Variants in HSPA4 observed in about 807,000 individuals in gnomAD.
The protein encoded by HSPA4 is heat shock protein family A (Hsp70) member 4, also known as heat shock 70 kDa protein 4.
In HSPA4, 25 loss-of-function variants were observed where a neutral mutation model predicts 106.2. The ratio of observed to expected loss-of-function variants is 0.24; its 90% CI spans 0.17 to 0.33. The LOEUF (loss-of-function observed/expected upper bound fraction) is 0.33, where lower values mean the gene tolerates loss of function less well. Ranked by LOEUF, HSPA4 falls within the 10% of genes least tolerant of loss-of-function variation. The pLI is 1.00. For synonymous variants in HSPA4, 332 were observed against 333.6 expected, an observed-to-expected ratio of 1.00 and a Z score of 0.05; for missense variants, 841 against 996.0, an observed-to-expected ratio of 0.84 and a Z score of 2.10.
At chr5:133,083,664 A>G (rs528641065) in intron 7 of HSPA4, among the ~76,000 whole-genome samples, 5 of 151,980 alleles carry the variant, frequency 3.3e-5, no homozygotes, top group African/African-American at 1.2e-4. Flanking sequence ...CAGCTTCCCA[A>G]GTAGCTGGGG....
intron 18 of HSPA4, 53 bp from the exon 19 acceptor site, chr5:133,104,180 T>A (rs1765825620): frequency 4.5e-6 from 7 of 1,572,520 alleles, no homozygotes; most frequent in Non-Finnish European, 6.1e-6. Context: ...TAGCATGGCT[T>A]GTAAAATTTG....
intron 13 of HSPA4, 104 bp from the exon 14 acceptor site, chr5:133,095,992 AAG>A: frequency 1.1e-6 from 1 of 870,868 alleles, no homozygotes; most frequent in Non-Finnish European, 1.7e-6. Flanking sequence ...TCATCATCAA[AAG>A]AGAACGAAGT....
At chr5:133,056,527 T>C (rs1765167125) in intron 1 of HSPA4, among the ~76,000 whole-genome samples, 1 of 152,180 alleles carries the variant, frequency 6.6e-6, no homozygotes, top group African/African-American at 2.4e-5. Flanking sequence ...CGCCTTGACC[T>C]CCCAAAGTGC....
intron 6 of HSPA4, among the ~76,000 whole-genome samples, chr5:133,074,530 G>A (rs1351385713): frequency 6.6e-6 from 1 of 152,070 alleles, no homozygotes; most frequent in East Asian, 1.9e-4. Flanking sequence ...CACCTGCCTC[G>A]GCCTCCCAAA....
chr5:133,088,671 C>A, intron 9 of HSPA4, 116 bp downstream of exon 9: 2 of 806,946 alleles, frequency 2.5e-6, no homozygotes, highest in Non-Finnish European at 4.1e-6. Context: ...TGTTGAGATT[C>A]CAAAACCTTT....
intron 17 of HSPA4, among the ~76,000 whole-genome samples, chr5:133,103,042 C>T (rs1455375268): frequency 6.6e-6 from 1 of 151,170 alleles, no homozygotes; most frequent in African/African-American, 2.4e-5. Flanking sequence ...CCATCAGGCC[C>T]CTCCTTTTTT....
intron 9 of HSPA4, 81 bp downstream of exon 9, chr5:133,088,636 G>C (rs1765608575): frequency 1.6e-6 from 2 of 1,218,204 alleles, no homozygotes; most frequent in Non-Finnish European, 2.4e-6. Context: ...TAATAACCTG[G>C]GATTAGCTCA....
intron 2 of HSPA4, among the ~76,000 whole-genome samples, chr5:133,065,562 A>G (rs190594877): frequency 9.1e-4 from 138 of 152,356 alleles, no homozygotes; most frequent in African/African-American, 3.3e-3. Flanking sequence ...AATCTGTTTA[A>G]TGCAAACTGC....
At chr5:133,089,034 T>G (rs774554938) in intron 9 of HSPA4, 21 bp from the exon 10 acceptor site, 3 of 1,436,690 alleles carry the variant, frequency 2.1e-6, no homozygotes, top group Non-Finnish European at 2.9e-6. Context: ...TAAACGGAAT[T>G]TTTGAAAATT....
intron 6 of HSPA4, among the ~76,000 whole-genome samples, chr5:133,074,812 T>C (rs962493025): frequency 7.9e-5 from 12 of 152,250 alleles, no homozygotes; most frequent in African/African-American, 2.4e-4. Context: ...GTGATTGATC[T>C]CTGTCATAGT....
In HSPA4 at chr5:133,089,110, T is replaced by G. The variant is rs2126710742; in HGVS notation, c.1193T>G (p.Val398Gly). Residue 398 changes from valine to glycine, a missense_variant, in exon 10 of 19, where the codon GTA (valine) becomes GGA (glycine). Val to Gly is a moderately radical substitution (Grantham distance 109). Coordinates refer to ENST00000304858, the MANE Select transcript of HSPA4 (RefSeq NM_002154.4). ...AGAGAATTTTCTATCACTGATGTAGTACCATATCCAATATCTCTGAGATGG... is the reference window on the plus strand; with the variant it reads ...AGAGAATTTTCTATCACTGATGTAGGACCATATCCAATATCTCTGAGATGG... ...KVREFSITDV[V>G]PYPISLRWNS... 6.2e-7 allele frequency: 1 copy of G among 1,605,204 alleles called. No homozygotes were observed. Among genetic ancestry groups the G allele is most frequent in the South Asian group, 1.1e-5 (1 of 89,436 alleles).
chr5:133,085,463 C>T (rs1296491691), intron 7 of HSPA4, among the ~76,000 whole-genome samples: 1 of 136,070 alleles, frequency 7.3e-6, no homozygotes, highest in African/African-American at 3.3e-5. Context: ...ACCAGCCTGA[C>T]CAACATGGTG....
intron 6 of HSPA4, among the ~76,000 whole-genome samples, chr5:133,075,346 C>G (rs1459226456): frequency 6.6e-6 from 1 of 152,136 alleles, no homozygotes; most frequent in Non-Finnish European, 1.5e-5. Context: ...GGCTTTGGAT[C>G]AGAACGATGT....
intron 3 of HSPA4, 112 bp from the exon 4 acceptor site, chr5:133,070,262 C>A: frequency 2.9e-6 from 3 of 1,017,140 alleles, no homozygotes; most frequent in Non-Finnish European, 2.9e-6. Flanking sequence ...TCAATCCCCT[C>A]TTGAGATAAT....
chr5:133,083,119 AG>A (rs1362506811), intron 7 of HSPA4, among the ~76,000 whole-genome samples: 2 of 148,210 alleles, frequency 1.3e-5, no homozygotes, highest in African/African-American at 5.0e-5. Context: ...TGGATGACAG[AG>A]CGAGACTCCA....
At chr5:133,083,772 G>A in intron 7 of HSPA4, among the ~76,000 whole-genome samples, 1 of 152,084 alleles carries the variant, frequency 6.6e-6, no homozygotes, top group East Asian at 1.9e-4. Flanking sequence ...CCCAGCCTCA[G>A]GTGATCCGCC....
At chr5:133,052,466 C>A (rs1343112031) in intron 1 of HSPA4, 109 bp downstream of exon 1, 1 of 740,834 alleles carries the variant, frequency 1.3e-6, no homozygotes, top group Non-Finnish European at 2.1e-6. Context: ...CGCCTCCGTT[C>A]CGAGCCGAGG....
At chr5:133,088,991 G>A (rs929732119) in intron 9 of HSPA4, 64 bp from the exon 10 acceptor site, 5 of 742,992 alleles carry the variant, frequency 6.7e-6, no homozygotes, top group African/African-American at 3.5e-5. Flanking sequence ...GTATGTTTAA[G>A]TGATATTATC....
At chr5:133,059,183 C>G (rs1024585724) in intron 1 of HSPA4, among the ~76,000 whole-genome samples, 2 of 148,762 alleles carry the variant, frequency 1.3e-5, no homozygotes, top group African/African-American at 5.0e-5. Flanking sequence ...TGTGGTGGCT[C>G]GTGCCTGTAA....
Sources: gnomAD v4.1 joint callset for allele counts (sites outside exome capture counted in the v4.1 genomes callset) on GRCh38, gnomAD v4.1.1 for gene constraint, MANE v1.5 for transcripts, NCBI Gene and HGNC (gene_info 2026-07-23, HGNC 2026-07-21) for gene names.